Variants in COG5 observed in about 807,000 individuals in gnomAD.
COG5 encodes the protein conserved oligomeric Golgi complex subunit 5.
Under a neutral mutation model 110.4 loss-of-function variants are expected in COG5, and 86 were observed. The ratio of observed to expected loss-of-function variants is 0.78; its 90% confidence interval spans 0.65 to 0.93. The LOEUF is 0.93. Ranked by LOEUF, COG5 falls within the 40% of genes least tolerant of loss-of-function variation. The pLI is 0.00. For missense variants in COG5, 1,077 were observed against 987.0 expected, an observed-to-expected ratio of 1.09 and a Z score of -1.22; for synonymous variants, 360 against 334.6, an observed-to-expected ratio of 1.08 and a Z score of -0.83.
In COG5 at chr7:107,211,144, C is replaced by A. The variant is rs1403131078; in HGVS notation, c.2250G>T (p.Gln750His). ...GDVIPFSIII[Q>H]FLFTRAPAEL... ...CAGCGGGTGCTCTCGTGAACAAAAA[C>A]TGAATAATGATGCTGAACGGAATCA... Residue 750 changes from glutamine to histidine, a missense_variant, in exon 20 of 22, where the codon CAG (glutamine) becomes CAT (histidine). Gln to His is a conservative substitution (Grantham distance 24). Transcript: ENST00000297135. 1 of 1,613,958 alleles carries A rather than the reference C, an allele frequency of 6.2e-7. No homozygotes were observed. Among genetic ancestry groups the A allele is most frequent in the African/African-American group, 1.3e-5 (1 of 74,876 alleles).
chr7:107,417,087 A>G (rs1219871568), intron 6 of COG5, among the ~76,000 whole-genome samples: 1 of 152,194 alleles, frequency 6.6e-6, no homozygotes, highest in African/African-American at 2.4e-5. Flanking sequence ...GAGAAAGTGC[A>G]GAGAAAGGAA....
intron 14 of COG5, among the ~76,000 whole-genome samples, chr7:107,271,165 T>C (rs1156311115): frequency 2.0e-5 from 3 of 152,086 alleles, no homozygotes; most frequent in Non-Finnish European, 4.4e-5. Context: ...AAAGATCCCT[T>C]GAGCTCACGA....
chr7:107,377,348 A>G (rs753372798), intron 7 of COG5, among the ~76,000 whole-genome samples: 3 of 152,152 alleles, frequency 2.0e-5, no homozygotes, highest in African/African-American at 7.2e-5. Flanking sequence ...TTTCAAATCA[A>G]TTGGTATAAA....
At chr7:107,328,288 A>T (rs1809940784) in intron 10 of COG5, among the ~76,000 whole-genome samples, 1 of 152,230 alleles carries the variant, frequency 6.6e-6, no homozygotes, top group Admixed American at 6.5e-5. Flanking sequence ...TTGTAACACA[A>T]TAGTACATTT....
chr7:107,370,286 T>C (rs887760115), intron 8 of COG5, among the ~76,000 whole-genome samples: 5 of 152,090 alleles, frequency 3.3e-5, no homozygotes, highest in South Asian at 2.1e-4. Context: ...TTTTAAAATT[T>C]TGAAATAATC....
intron 19 of COG5, among the ~76,000 whole-genome samples, chr7:107,230,255 T>C (rs933803134): frequency 6.6e-6 from 1 of 152,042 alleles, no homozygotes; most frequent in Non-Finnish European, 1.5e-5. Context: ...AAATGATAAA[T>C]GAACAAATGA....
At chr7:107,268,026 T>C (rs184067925) in intron 14 of COG5, among the ~76,000 whole-genome samples, 151 of 152,348 alleles carry the variant, frequency 9.9e-4, no homozygotes, top group African/African-American at 3.5e-3. Context: ...TGAAGTGCAA[T>C]GGCACAATCT....
Position 107,362,392 on chromosome 7 carries a change from G to A in COG5, c.864C>T (p.Thr288=), listed in dbSNP as rs1207082582. Residue 288 remains threonine (T), a synonymous_variant, in exon 9 of 22, where the codon ACC becomes ACT. Coordinates refer to ENST00000297135, the MANE Select transcript of COG5 (RefSeq NM_006348.5). The part of the protein sequence containing the change: ...RGGPGRSTMP[T]PGNTAALRAS... Reference sequence around the variant, plus strand: ...CACGCAAAGCTGCAGTATTTCCTGGGGTTGGCATGGTAGATCGTCCAGGTC... The same window carrying A: ...CACGCAAAGCTGCAGTATTTCCTGGAGTTGGCATGGTAGATCGTCCAGGTC... The A allele has an allele frequency of 1.2e-6, 2 of 1,613,856 alleles. No homozygotes were observed. Among genetic ancestry groups the A allele is most frequent in the Non-Finnish European group, 8.5e-7 (1 of 1,179,816 alleles).
At chr7:107,455,737 C>A (rs1255016848) in intron 6 of COG5, among the ~76,000 whole-genome samples, 1 of 151,994 alleles carries the variant, frequency 6.6e-6, no homozygotes, top group East Asian at 1.9e-4. Context: ...ATCTTTTCCT[C>A]CAACAACAAA....
chr7:107,541,523 A>AAAAAAAAAAATAT (rs60423657), intron 5 of COG5, among the ~76,000 whole-genome samples: 4 of 57,024 alleles, frequency 7.0e-5, no homozygotes, highest in Non-Finnish European at 1.3e-4. Context: ...AAAAAAAAAA[A>AAAAAAAAAAATAT]ATATATATAT....
chr7:107,515,572 G>T (rs1352680824), intron 6 of COG5, among the ~76,000 whole-genome samples: 1 of 152,138 alleles, frequency 6.6e-6, no homozygotes, highest in African/African-American at 2.4e-5. Flanking sequence ...TCACCCTCCT[G>T]TGAATCCCAT....
Position 107,437,938 on chromosome 7 carries a change from T to C in COG5, c.539-25306A>G, listed in dbSNP as rs1394080456. ...ATATGTCCATGAGAAACAGTTAACA[T>C]GCAAGAAATGGCCAATTAGATATAT... On this transcript the variant is annotated intron_variant, in intron 6 of 21. Coordinates refer to ENST00000297135, the MANE Select transcript of COG5 (RefSeq NM_006348.5). Among the ~76,000 whole-genome samples, 3 of 152,120 alleles carry C rather than the reference T, an allele frequency of 2.0e-5. 1 individual carries two copies. Among genetic ancestry groups the C allele is most frequent in the Non-Finnish European group, 4.4e-5 (3 of 68,016 alleles).
At chr7:107,259,363 TAGAAC>T (rs944498525) in intron 14 of COG5, among the ~76,000 whole-genome samples, 1 of 152,142 alleles carries the variant, frequency 6.6e-6, no homozygotes, top group African/African-American at 2.4e-5. Context: ...TATTTTCCTG[TAGAAC>T]TACCTTAAAA....
intron 10 of COG5, among the ~76,000 whole-genome samples, chr7:107,330,210 T>C (rs187140758): frequency 6.6e-6 from 1 of 152,350 alleles, no homozygotes; most frequent in Non-Finnish European, 1.5e-5. Context: ...AGTATCTTTC[T>C]GACCTTGTTT....
intron 6 of COG5, among the ~76,000 whole-genome samples, chr7:107,479,497 G>C (rs890577553): frequency 6.6e-6 from 1 of 152,100 alleles, no homozygotes; most frequent in African/African-American, 2.4e-5. Flanking sequence ...GCACTAGCTT[G>C]ACAAGGGAGT....
At chr7:107,387,210 G>T (rs114152650) in intron 7 of COG5, among the ~76,000 whole-genome samples, 1 of 152,168 alleles carries the variant, frequency 6.6e-6, no homozygotes, top group Non-Finnish European at 1.5e-5. Context: ...GCTCTGCAGC[G>T]GGTAAGCTCA....
At chr7:107,397,042 A>G (rs1235487027) in intron 7 of COG5, among the ~76,000 whole-genome samples, 1 of 152,182 alleles carries the variant, frequency 6.6e-6, no homozygotes, top group Non-Finnish European at 1.5e-5. Flanking sequence ...ATAAAAACCT[A>G]ATTTTCTCAG....
At chr7:107,523,672 G>T (rs1018100008) in intron 6 of COG5, among the ~76,000 whole-genome samples, 1 of 152,026 alleles carries the variant, frequency 6.6e-6, no homozygotes, top group Admixed American at 6.6e-5. Flanking sequence ...AAAATTAGCC[G>T]GGCATGGTGG....
chr7:107,274,275 A>G (rs917554033), intron 14 of COG5, among the ~76,000 whole-genome samples: 1 of 152,196 alleles, frequency 6.6e-6, no homozygotes, highest in Non-Finnish European at 1.5e-5. Context: ...CCTGCATAAC[A>G]GTCTGGCAAC....
Sources: gnomAD v4.1 joint callset for allele counts (sites outside exome capture counted in the v4.1 genomes callset) on GRCh38, gnomAD v4.1.1 for gene constraint, MANE v1.5 for transcripts, NCBI Gene and HGNC (gene_info 2026-07-23, HGNC 2026-07-21) for gene names.